ME2: variants seen among roughly 807,000 people sequenced by gnomAD.
ME2 encodes NAD-dependent malic enzyme, mitochondrial.
In ME2, 60 loss-of-function variants were observed where a neutral mutation model predicts 73.7. The ratio of observed to expected loss-of-function variants is 0.81; its 90% CI spans 0.66 to 1.01. ME2 has a LOEUF of 1.01. ME2 is among the 50% of genes least tolerant of loss of function. The probability of loss-of-function intolerance (pLI) is 0.00; values close to 1 mark genes in which losing one functional copy is unlikely to be tolerated. For missense variants in ME2, 594 were observed against 705.5 expected (o/e 0.84, Z 1.79); for synonymous variants, 199 against 236.9 (o/e 0.84, Z 1.47).
At chr18:50,894,871 C>A (rs1163746919) in intron 1 of ME2, among the ~76,000 whole-genome samples, 2 of 142,086 alleles carry the variant, frequency 1.4e-5, no homozygotes, top group African/African-American at 5.3e-5. Context: ...AGCGAGACTC[C>A]ATCTCAAAAA....
rs1306996917 is a variant in ME2 at position 50,917,485 on chromosome 18, A to G, written c.607A>G (p.Ile203Val). Residue 203 changes from isoleucine (I) to valine (V), a missense_variant, in exon 6 of 16, where the codon ATT becomes GTT. Ile to Val is a conservative substitution (Grantham distance 29). Coordinates refer to ENST00000321341, the MANE Select transcript of ME2 (RefSeq NM_002396.5). ...GCCTGATAGATGCCTGCCAGTGTGT[A>G]TTGATGTGGGAACTGATAATATCGT... ...IRPDRCLPVC[I>V]DVGTDNIALL... 1.9e-6 allele frequency: 3 copies of G among 1,611,280 alleles called. No individual in the cohort carries two copies. The highest frequency in any genetic ancestry group is 2.5e-6 in the Non-Finnish European group (3 of 1,178,170).
Position 50,918,153 on chromosome 18 carries a change from G to C in ME2, c.674G>C (p.Arg225Pro). ...DPFYMGLYQK[R>P]DRTQQYDDLI... ...TTTTACATGGGCTTGTACCAGAAAC[G>C]AGATCGCACACAACAGTATGATGAC... Residue 225 changes from arginine to proline, a missense_variant, in exon 7 of 16, where the codon CGA (arginine) becomes CCA (proline). Transcript: ENST00000321341. 1 of 1,608,580 alleles carries C rather than the reference G, an allele frequency of 6.2e-7. No individual in the cohort carries two copies. The highest frequency in any genetic ancestry group is 1.1e-5 in the South Asian group (1 of 90,328).
At chr18:50,925,682 G>A in intron 11 of ME2, 74 bp from the exon 12 acceptor site, 1 of 1,260,658 alleles carries the variant, frequency 7.9e-7, no homozygotes, top group South Asian at 1.3e-5. Context: ...TAGGCCTATT[G>A]TAGAAATGCT....
intron 1 of ME2, among the ~76,000 whole-genome samples, chr18:50,882,070 T>C (rs1345040856): frequency 1.3e-5 from 2 of 152,114 alleles, no homozygotes; most frequent in African/African-American, 4.8e-5. Context: ...GCTGTTATGG[T>C]TCACTGCAAC....
At chr18:50,920,600 CT>C in intron 8 of ME2, 35 bp downstream of exon 8, 7 of 1,567,734 alleles carry the variant, frequency 4.5e-6, no homozygotes, top group Non-Finnish European at 6.0e-6. Flanking sequence ...TTGATTCCTA[CT>C]TTTTAAACAT....
intron 12 of ME2, among the ~76,000 whole-genome samples, chr18:50,927,346 C>T (rs1031693061): frequency 3.9e-5 from 6 of 151,912 alleles, no homozygotes; most frequent in Admixed American, 1.3e-4. Flanking sequence ...TTTAAAACAA[C>T]GTTTTTTATA....
At chr18:50,911,489 A>G (rs369883196) in intron 3 of ME2, among the ~76,000 whole-genome samples, 1 of 152,202 alleles carries the variant, frequency 6.6e-6, no homozygotes, top group African/African-American at 2.4e-5. Flanking sequence ...CAGAAAGTCA[A>G]GGAGTGGAGT....
intron 1 of ME2, among the ~76,000 whole-genome samples, chr18:50,892,727 T>A (rs80053603): frequency 1.3e-5 from 2 of 152,204 alleles, no homozygotes; most frequent in Non-Finnish European, 2.9e-5. Context: ...AGTTATATCA[T>A]CTGCAGCTTT....
intron 1 of ME2, among the ~76,000 whole-genome samples, chr18:50,892,425 A>G (rs1249982879): frequency 1.3e-5 from 2 of 152,178 alleles, no homozygotes; most frequent in Non-Finnish European, 2.9e-5. Flanking sequence ...TTTTGTTGGA[A>G]TTGCCTTAGA....
chr18:50,944,386 G>A (rs1455080585), intron 15 of ME2, among the ~76,000 whole-genome samples: 1 of 152,148 alleles, frequency 6.6e-6, no homozygotes, highest in East Asian at 1.9e-4. Context: ...CAGTGGCATA[G>A]GCTTTTCTTT....
chr18:50,885,698 C>T (rs1009061950), intron 1 of ME2, among the ~76,000 whole-genome samples: 5 of 151,614 alleles, frequency 3.3e-5, no homozygotes, highest in Admixed American at 3.3e-4. Context: ...CACTGTGCTG[C>T]TATAATTAAC....
chr18:50,950,934 A>G lies in ME2; in HGVS notation c.*3750A>G, dbSNP rs570422299. On this transcript the variant is annotated 3_prime_UTR_variant, in exon 16 of 16. Transcript: ENST00000321341. The stretch of plus-strand genomic sequence containing the variant: ...TGTCATATACTTCAAGTTACATGAA[A>G]AAGATCAACTGAAATTATGTTCTTA... The G allele has an allele frequency of 7.9e-5, 12 of 152,352 alleles. No individual in the cohort carries two copies. Among genetic ancestry groups the G allele is most frequent in the African/African-American group, 2.9e-4 (12 of 41,582 alleles). 9.4% of individuals were successfully genotyped at this position (152,352 alleles called of 1,614,324 possible).
In ME2 at chr18:50,953,110, T is replaced by TC. The variant is rs35694344; in HGVS notation, c.*5927dup. ...ACTTATTCTTTTTTTTTTTTTTTTT[T>TC]CTTTTCTTTGAGACAGCCTTGCTCT... On this transcript the variant is annotated 3_prime_UTR_variant, in exon 16 of 16. Coordinates refer to ENST00000321341, the MANE Select transcript of ME2 (RefSeq NM_002396.5). The TC allele has an allele frequency of 6.6e-6, 1 of 150,378 alleles. No individual in the cohort carries two copies. 9.3% of individuals were successfully genotyped at this position (150,378 alleles called of 1,614,324 possible). A position where few individuals can be genotyped will look rare whatever the true frequency, so the allele number is the denominator to read the frequency against.
chr18:50,893,124 C>CAAAAAAAAAAAAAA (rs56104427), intron 1 of ME2, among the ~76,000 whole-genome samples: 8 of 78,090 alleles, frequency 1.0e-4, no homozygotes, highest in African/African-American at 3.5e-4. Flanking sequence ...GACTCTATCT[C>CAAAAAAAAAAAAAA]AAAAAAAAAA....
intron 1 of ME2, among the ~76,000 whole-genome samples, chr18:50,882,063 G>C (rs1230563684): frequency 6.6e-6 from 1 of 152,130 alleles, no homozygotes; most frequent in African/African-American, 2.4e-5. Flanking sequence ...CAGTGGTGCT[G>C]TTATGGTTCA....
intron 3 of ME2, among the ~76,000 whole-genome samples, chr18:50,911,833 G>A (rs565755300): frequency 2.6e-4 from 40 of 152,148 alleles, no homozygotes; most frequent in African/African-American, 4.6e-4. Flanking sequence ...ATTTGGAAGC[G>A]ACTTAAGGAG....
In ME2 at chr18:50,952,938, CAG is replaced by C. The variant is rs1426814489; in HGVS notation, c.*5759_*5760del. On this transcript the variant is annotated 3_prime_UTR_variant, in exon 16 of 16. Coordinates refer to ENST00000321341, the MANE Select transcript of ME2 (RefSeq NM_002396.5). Reference sequence around the variant, plus strand: ...TGATTTACAGACAGAGACAGAGGCACAGAGAGGTTAAATGACTTGTCAAAGGT... The same window carrying C: ...TGATTTACAGACAGAGACAGAGGCACAGAGGTTAAATGACTTGTCAAAGGT... The C allele has an allele frequency of 6.6e-6, 1 of 152,110 alleles. No homozygotes were observed. The highest frequency in any genetic ancestry group is 1.9e-4 in the East Asian group (1 of 5,190). The allele number at this position is 152,110 out of a possible 1,614,324, so 9.4% of individuals were successfully genotyped here. A position where few individuals can be genotyped will look rare whatever the true frequency, so the allele number is the denominator to read the frequency against.
chr18:50,900,430 G>C (rs1026920327), intron 2 of ME2, among the ~76,000 whole-genome samples: 4 of 151,726 alleles, frequency 2.6e-5, no homozygotes, highest in Non-Finnish European at 4.4e-5. Context: ...TAGTAGCTGG[G>C]AGTACAGGCG....
chr18:50,887,085 T>A (rs1916491448), intron 1 of ME2, among the ~76,000 whole-genome samples: 1 of 152,220 alleles, frequency 6.6e-6, no homozygotes, highest in Admixed American at 6.5e-5. Context: ...AGTAAGAATA[T>A]GAGAGCAATA....
Sources: allele counts gnomAD v4.1 joint callset (sites outside exome capture counted in the v4.1 genomes callset), GRCh38; gene constraint gnomAD v4.1.1; transcripts MANE v1.5; gene names NCBI Gene and HGNC (gene_info 2026-07-23, HGNC 2026-07-21).